PLEKHG4B: variants seen among roughly 807,000 people sequenced by gnomAD.
The protein encoded by PLEKHG4B is pleckstrin homology and RhoGEF domain containing G4B, also known as pleckstrin homology domain-containing family G member 4B.
PLEKHG4B carries 111 observed loss-of-function variants against 121.3 expected under a neutral mutation model. That is an observed-to-expected ratio of 0.92 (90% CI 0.78 to 1.07). PLEKHG4B has a LOEUF of 1.07. PLEKHG4B is among the 50% of genes least tolerant of loss of function. The pLI is 0.00. For synonymous variants in PLEKHG4B, 738 were observed against 725.0 expected (o/e 1.02, Z -0.29); for missense variants, 1,831 against 1,757.8 (o/e 1.04, Z -0.74).
intron 2 of PLEKHG4B, among the ~76,000 whole-genome samples, chr5:135,702 T>TATATATATATACAC (rs1734961073): frequency 2.5e-5 from 2 of 81,552 alleles, no homozygotes; most frequent in African/African-American, 1.3e-4. Flanking sequence ...TATATATATA[T>TATATATATATACAC]ATATATATAT....
rs143297537 is a variant in PLEKHG4B at position 155,111 on chromosome 5, C to T, written c.2109+120C>T. 1,977 of 962,004 alleles carry T rather than the reference C, an allele frequency of 2.1e-3. 15 individuals carry two copies. Among genetic ancestry groups the T allele is most frequent in the Middle Eastern group, 6.5e-3 (28 of 4,328 alleles). 59.6% of individuals were successfully genotyped at this position (962,004 alleles called of 1,614,324 possible). A position where few individuals can be genotyped will look rare whatever the true frequency, so the allele number is the denominator to read the frequency against. Reference sequence around the variant, plus strand: ...TCCCTGATCTGATGCTTGTTACAGTCGCCGTTCAGGTCTTCGTGTCTACAC... The same window carrying T: ...TCCCTGATCTGATGCTTGTTACAGTTGCCGTTCAGGTCTTCGTGTCTACAC... On this transcript the variant is annotated intron_variant, in intron 8 of 19. Coordinates refer to ENST00000637938, the MANE Select transcript of PLEKHG4B (RefSeq NM_052909.5).
At chr5:127,594 T>C (rs1734659295) in intron 2 of PLEKHG4B, among the ~76,000 whole-genome samples, 1 of 152,050 alleles carries the variant, frequency 6.6e-6, no homozygotes, top group Non-Finnish European at 1.5e-5. Context: ...CCTCTTTAAA[T>C]CCCCTGGAAG....
intron 2 of PLEKHG4B, among the ~76,000 whole-genome samples, chr5:126,036 T>C (rs1031384483): frequency 2.0e-5 from 3 of 152,236 alleles, no homozygotes; most frequent in African/African-American, 7.2e-5. Context: ...TTCTTTGTCT[T>C]TGTCATTCAA....
chr5:103,921 C>G (rs953242488), intron 1 of PLEKHG4B, among the ~76,000 whole-genome samples: 1 of 152,226 alleles, frequency 6.6e-6, no homozygotes, highest in South Asian at 2.1e-4. Flanking sequence ...TTCATGAGAT[C>G]CACTTTTTAG....
Position 182,336 on chromosome 5 carries a change from T to G in PLEKHG4B, c.*13T>G. 6.3e-7 allele frequency: 1 copy of G among 1,579,140 alleles called. No individual in the cohort carries two copies. Among genetic ancestry groups the G allele is most frequent in the South Asian group, 1.1e-5 (1 of 88,000 alleles). ...ACGCCAGGCCTGATGACTGTCAGGG[T>G]GGCAGTGCCCATCATGTGGCTAGAA... On this transcript the variant is annotated 3_prime_UTR_variant, in exon 20 of 20. Transcript: ENST00000637938.
At chr5:140,832 A>C in intron 3 of PLEKHG4B, 116 bp downstream of exon 3, 1 of 598,224 alleles carries the variant, frequency 1.7e-6, no homozygotes. Flanking sequence ...CTCCCCCTGC[A>C]CACCACCACA....
chr5:163,827 T>A (rs1419256449), intron 13 of PLEKHG4B, among the ~76,000 whole-genome samples: 2 of 152,246 alleles, frequency 1.3e-5, no homozygotes, highest in Non-Finnish European at 2.9e-5. Flanking sequence ...CAACTCTAGT[T>A]ATTTTCAGCC....
chr5:118,149 A>C (rs1734357464), intron 2 of PLEKHG4B, among the ~76,000 whole-genome samples: 1 of 152,226 alleles, frequency 6.6e-6, no homozygotes, highest in Middle Eastern at 3.2e-3. Context: ...GTTGGGTCTA[A>C]AGAAGATCAT....
chr5:181,237 C>A (rs1350023512), intron 18 of PLEKHG4B, among the ~76,000 whole-genome samples: 1 of 152,162 alleles, frequency 6.6e-6, no homozygotes, highest in Non-Finnish European at 1.5e-5. Flanking sequence ...GACAGGAACC[C>A]TTCCTCACCC....
At chr5:173,483 C>G (rs1736639457) in intron 17 of PLEKHG4B, among the ~76,000 whole-genome samples, 1 of 152,150 alleles carries the variant, frequency 6.6e-6, no homozygotes, top group Non-Finnish European at 1.5e-5. Context: ...CCCTTCTTGA[C>G]AGAGTCCATG....
chr5:133,957 AATAT>A (rs1207570324), intron 2 of PLEKHG4B, among the ~76,000 whole-genome samples: 1 of 136,716 alleles, frequency 7.3e-6, no homozygotes, highest in Non-Finnish European at 1.6e-5. Context: ...TATATGGTGG[AATAT>A]ATATATATGA....
chr5:155,494 G>A, intron 9 of PLEKHG4B, 51 bp downstream of exon 9: 1 of 1,408,116 alleles, frequency 7.1e-7, no homozygotes, highest in Non-Finnish European at 1.0e-6. Context: ...AGGTAGGTGG[G>A]GGCATAAAGG....
At chr5:160,062 C>T (rs1347569209) in intron 11 of PLEKHG4B, among the ~76,000 whole-genome samples, 1 of 152,252 alleles carries the variant, frequency 6.6e-6, no homozygotes, top group Non-Finnish European at 1.5e-5. Context: ...GACAGGCGAT[C>T]CTGCTATGTA....
At chr5:147,140 T>C (rs58219963) in intron 6 of PLEKHG4B, among the ~76,000 whole-genome samples, 28,705 of 152,090 alleles carry the variant, frequency 0.19, 3,786 homozygotes, top group African/African-American at 0.37. Flanking sequence ...AAGGAGTCAC[T>C]GGGAGGAGAG....
At chr5:129,041 A>G (rs1734702879) in intron 2 of PLEKHG4B, among the ~76,000 whole-genome samples, 1 of 152,202 alleles carries the variant, frequency 6.6e-6, no homozygotes, top group Non-Finnish European at 1.5e-5. Flanking sequence ...TCACATGACA[A>G]CAGGCCCTGA....
chr5:134,300 C>A (rs1734879883), intron 2 of PLEKHG4B, among the ~76,000 whole-genome samples: 1 of 151,354 alleles, frequency 6.6e-6, no homozygotes, highest in African/African-American at 2.4e-5. Context: ...AAGAATAATA[C>A]AATAGACTTT....
chr5:107,208 A>G (rs1734002171), intron 1 of PLEKHG4B, among the ~76,000 whole-genome samples: 1 of 152,168 alleles, frequency 6.6e-6, no homozygotes, highest in African/African-American at 2.4e-5. Flanking sequence ...TGAGGCGGCC[A>G]CATGTACCCA....
At chr5:148,588 G>A (rs1325447353) in intron 6 of PLEKHG4B, among the ~76,000 whole-genome samples, 1 of 152,042 alleles carries the variant, frequency 6.6e-6, no homozygotes, top group Non-Finnish European at 1.5e-5. Context: ...GACATAAATA[G>A]AAAGATATCT....
At chr5:125,847 C>A (rs1183303998) in intron 2 of PLEKHG4B, among the ~76,000 whole-genome samples, 2 of 152,180 alleles carry the variant, frequency 1.3e-5, no homozygotes, top group African/African-American at 4.8e-5. Context: ...TTCACTCTCA[C>A]TTTTGAAGCA....
Sources: gnomAD v4.1 joint callset for allele counts (sites outside exome capture counted in the v4.1 genomes callset) on GRCh38, gnomAD v4.1.1 for gene constraint, MANE v1.5 for transcripts, NCBI Gene and HGNC (gene_info 2026-07-23, HGNC 2026-07-21) for gene names.